FHIT: variants seen among roughly 807,000 people sequenced by gnomAD.
FHIT encodes the protein fragile histidine triad diadenosine triphosphatase.
A neutral mutation model predicts 17.9 loss-of-function variants in FHIT; 19 were observed. That is an observed-to-expected ratio of 1.06 (90% CI 0.74 to 1.56). The LOEUF (loss-of-function observed/expected upper bound fraction) is 1.56, where lower values mean the gene tolerates loss of function less well. Among genes scored for constraint, FHIT ranks in the 40% most tolerant of loss-of-function variants. The probability of loss-of-function intolerance (pLI) is 0.00; values close to 1 mark genes in which losing one functional copy is unlikely to be tolerated. For missense variants in FHIT, 248 were observed against 189.2 expected (o/e 1.31, Z -1.82); for synonymous variants, 81 against 69.7 (o/e 1.16, Z -0.81).
chr3:61,156,297 C>T (rs1324775401), intron 2 of FHIT, among the ~76,000 whole-genome samples: 1 of 152,084 alleles, frequency 6.6e-6, no homozygotes, highest in Non-Finnish European at 1.5e-5. Flanking sequence ...CTTGGAACCC[C>T]TAACTCATAT....
At chr3:60,876,750 T>G (rs1704677644) in intron 3 of FHIT, among the ~76,000 whole-genome samples, 2 of 152,160 alleles carry the variant, frequency 1.3e-5, no homozygotes, top group South Asian at 4.1e-4. Context: ...CACTAGAAAC[T>G]CCAGCACTCA....
At chr3:60,164,624 A>G (rs922984642) in intron 5 of FHIT, among the ~76,000 whole-genome samples, 2 of 152,048 alleles carry the variant, frequency 1.3e-5, no homozygotes, top group African/African-American at 4.8e-5. Flanking sequence ...AAAAAAAATA[A>G]AAGAGGTGAG....
At chr3:61,058,598 T>C (rs983279916) in intron 2 of FHIT, among the ~76,000 whole-genome samples, 1 of 152,130 alleles carries the variant, frequency 6.6e-6, no homozygotes, top group African/African-American at 2.4e-5. Context: ...TTAGTCTCTT[T>C]CTCCTGCTCC....
chr3:60,977,887 AAGAC>A (rs1710331226), intron 3 of FHIT, among the ~76,000 whole-genome samples: 1 of 152,132 alleles, frequency 6.6e-6, no homozygotes, highest in Non-Finnish European at 1.5e-5. Flanking sequence ...CAAAAACAAA[AAGAC>A]AGAGTCATTG....
At chr3:60,119,821 G>T (rs367863180) in intron 5 of FHIT, among the ~76,000 whole-genome samples, 2 of 152,156 alleles carry the variant, frequency 1.3e-5, no homozygotes, top group South Asian at 4.2e-4. Flanking sequence ...CCACAGAGCT[G>T]TCACATTTAT....
chr3:60,645,453 T>A (rs1282527038), intron 4 of FHIT, among the ~76,000 whole-genome samples: 1 of 152,188 alleles, frequency 6.6e-6, no homozygotes, highest in African/African-American at 2.4e-5. Context: ...TGATTAGTCC[T>A]CTTAATGCCT....
intron 5 of FHIT, among the ~76,000 whole-genome samples, chr3:60,101,291 T>C (rs1704180477): frequency 1.3e-5 from 2 of 152,230 alleles, no homozygotes; most frequent in Admixed American, 1.3e-4. Context: ...ACTGTACAGA[T>C]GGCCATGTCC....
intron 2 of FHIT, among the ~76,000 whole-genome samples, chr3:61,085,857 G>A (rs113223503): frequency 0.01 from 1,558 of 152,024 alleles, 20 homozygotes; most frequent in African/African-American, 0.034. Flanking sequence ...ACCTTCTTTG[G>A]AAAAACAATT....
chr3:61,055,777 T>C (rs1459448752), intron 2 of FHIT, among the ~76,000 whole-genome samples: 2 of 152,210 alleles, frequency 1.3e-5, no homozygotes, highest in African/African-American at 4.8e-5. Context: ...ATACAGATTC[T>C]AGGTGTTCTA....
At chr3:60,621,135 C>T (rs1238072673) in intron 4 of FHIT, among the ~76,000 whole-genome samples, 1 of 142,736 alleles carries the variant, frequency 7.0e-6, no homozygotes, top group Non-Finnish European at 1.5e-5. Flanking sequence ...TGCTTCCAGT[C>T]TACTTTTGAT....
At chr3:60,595,611 A>ATG (rs1283530797) in intron 4 of FHIT, among the ~76,000 whole-genome samples, 2 of 129,056 alleles carry the variant, frequency 1.5e-5, no homozygotes, top group African/African-American at 7.3e-5. Context: ...GTGTAGATAT[A>ATG]TGTGTGTATG....
intron 4 of FHIT, among the ~76,000 whole-genome samples, chr3:60,697,114 T>C (rs1553700804): frequency 6.6e-6 from 1 of 152,204 alleles, no homozygotes; most frequent in African/African-American, 2.4e-5. Flanking sequence ...GAATTATTAA[T>C]ATTTCACCTT....
At chr3:61,169,524 T>G (rs2037935949) in intron 2 of FHIT, among the ~76,000 whole-genome samples, 1 of 152,216 alleles carries the variant, frequency 6.6e-6, no homozygotes, top group Non-Finnish European at 1.5e-5. Flanking sequence ...AAAATCTATC[T>G]TTAAAAACTT....
At chr3:60,336,895 A>C (rs1175910327) in intron 5 of FHIT, among the ~76,000 whole-genome samples, 3 of 80,276 alleles carry the variant, frequency 3.7e-5, no homozygotes, top group Non-Finnish European at 7.7e-5. Flanking sequence ...CAAAGTAAGC[A>C]AAAAAAAAAA....
At chr3:61,224,886 T>C (rs994019516) in intron 1 of FHIT, among the ~76,000 whole-genome samples, 9 of 152,312 alleles carry the variant, frequency 5.9e-5, no homozygotes, top group Admixed American at 3.3e-4. Flanking sequence ...ATACATACAT[T>C]AATTATAGTA....
chr3:60,388,684 A>G (rs1701108718), intron 5 of FHIT, among the ~76,000 whole-genome samples: 1 of 152,216 alleles, frequency 6.6e-6, no homozygotes, highest in East Asian at 1.9e-4. Flanking sequence ...TCACATATAT[A>G]TGCATTCATA....
In FHIT at chr3:59,830,798, A is replaced by T. The variant is rs1382345062; in HGVS notation, c.349-78477T>A. 2.0e-5 allele frequency among the ~76,000 whole-genome samples: 3 copies of T among 152,162 alleles called. No homozygotes were observed. The East Asian group carries it at 5.8e-4, about 29-fold the overall frequency. ...CCCTCAAAAAGACTTACAGTTAAGC[A>T]CTCCAGGAGGCTGCAATTGTGCACA... On this transcript the variant is annotated intron_variant, in intron 8 of 9. Coordinates refer to ENST00000492590, the MANE Select transcript of FHIT (RefSeq NM_002012.4).
intron 7 of FHIT, among the ~76,000 whole-genome samples, chr3:59,927,863 A>G (rs1015523317): frequency 3.9e-5 from 6 of 152,190 alleles, no homozygotes; most frequent in Non-Finnish European, 7.4e-5. Context: ...CAATGCCATC[A>G]TTTTTAGAGG....
At chr3:61,212,102 C>A (rs2039498430) in intron 1 of FHIT, among the ~76,000 whole-genome samples, 1 of 152,348 alleles carries the variant, frequency 6.6e-6, no homozygotes, top group East Asian at 1.9e-4. Context: ...CGCTTCTCCT[C>A]CTCCAAAGGA....
Sources: gnomAD v4.1 joint callset for allele counts (sites outside exome capture counted in the v4.1 genomes callset) on GRCh38, gnomAD v4.1.1 for gene constraint, MANE v1.5 for transcripts, NCBI Gene and HGNC (gene_info 2026-07-23, HGNC 2026-07-21) for gene names.